CDC42BPA: variants seen among roughly 807,000 people sequenced by gnomAD.
CDC42BPA encodes CDC42 binding protein kinase alpha.
CDC42BPA carries 80 observed loss-of-function variants against 223.5 expected under a neutral mutation model. The observed-to-expected ratio is 0.36, with a 90% confidence interval of 0.30 to 0.43. CDC42BPA has a LOEUF of 0.43. Among genes scored for constraint, CDC42BPA ranks in the 20% least tolerant of loss-of-function variants. CDC42BPA has a pLI of 1.00. For missense variants in CDC42BPA, 1,743 were observed against 2,099.9 expected, an observed-to-expected ratio of 0.83 and a Z score of 3.32; for synonymous variants, 694 against 718.6, an observed-to-expected ratio of 0.97 and a Z score of 0.55.
intron 34 of CDC42BPA, among the ~76,000 whole-genome samples, chr1:227,013,301 G>A (rs1665566035): frequency 6.6e-6 from 1 of 152,048 alleles, no homozygotes; most frequent in African/African-American, 2.4e-5. Context: ...GCAGTCTAAT[G>A]ATTCTGTGGA....
chr1:227,297,314 C>T (rs1030665768), intron 1 of CDC42BPA, among the ~76,000 whole-genome samples: 3 of 152,186 alleles, frequency 2.0e-5, no homozygotes, highest in Non-Finnish European at 4.4e-5. Context: ...TAGCAAAACT[C>T]AACCTTCATA....
intron 1 of CDC42BPA, among the ~76,000 whole-genome samples, chr1:227,306,138 GTTTT>G (rs56027762): frequency 0.32 from 43,030 of 135,698 alleles, 6,436 homozygotes; most frequent in East Asian, 0.38. Flanking sequence ...GTTCTAAGTG[GTTTT>G]TTTTTTTTTT....
chr1:227,079,165 C>T (rs1014185296), intron 17 of CDC42BPA, among the ~76,000 whole-genome samples: 6 of 152,108 alleles, frequency 3.9e-5, no homozygotes, highest in African/African-American at 1.2e-4. Flanking sequence ...TGCCAATCTG[C>T]TATCTATTAC....
chr1:227,052,250 C>T (rs1313075236), intron 21 of CDC42BPA, among the ~76,000 whole-genome samples: 1 of 152,200 alleles, frequency 6.6e-6, no homozygotes, highest in African/African-American at 2.4e-5. Context: ...GAGCCCTGGT[C>T]CTACTGCACA....
intron 26 of CDC42BPA, among the ~76,000 whole-genome samples, chr1:227,033,959 C>T (rs1222094099): frequency 6.6e-6 from 1 of 150,626 alleles, no homozygotes; most frequent in Non-Finnish European, 1.5e-5. Context: ...ATTTTTCTTG[C>T]CAATATTTCT....
chr1:227,195,965 G>A (rs1227569288), intron 4 of CDC42BPA, among the ~76,000 whole-genome samples: 1 of 152,054 alleles, frequency 6.6e-6, no homozygotes, highest in Non-Finnish European at 1.5e-5. Context: ...CACATAAGAG[G>A]GAACACAATC....
chr1:227,153,661 A>G (rs1228213653), intron 6 of CDC42BPA, among the ~76,000 whole-genome samples: 3 of 151,942 alleles, frequency 2.0e-5, no homozygotes, highest in Non-Finnish European at 2.9e-5. Context: ...TTTTCATTGA[A>G]AAGACTATAA....
intron 2 of CDC42BPA, among the ~76,000 whole-genome samples, chr1:227,227,160 T>C (rs987619840): frequency 6.6e-6 from 1 of 152,094 alleles, no homozygotes; most frequent in African/African-American, 2.4e-5. Context: ...AGGTAATTAA[T>C]ATTAATGAAG....
chr1:227,183,939 A>G (rs978281860), intron 5 of CDC42BPA, among the ~76,000 whole-genome samples: 7 of 152,186 alleles, frequency 4.6e-5, no homozygotes, highest in Admixed American at 6.5e-5. Flanking sequence ...CATTTTCGTA[A>G]AATTCAATAT....
chr1:227,008,352 ACTAT>A (rs1664499914), intron 34 of CDC42BPA, among the ~76,000 whole-genome samples: 1 of 152,218 alleles, frequency 6.6e-6, no homozygotes, highest in Non-Finnish European at 1.5e-5. Context: ...TTAAAAGATG[ACTAT>A]CTTCTTTGCT....
Position 227,185,267 on chromosome 1 carries a change from G to A in CDC42BPA, c.599+8519C>T, listed in dbSNP as rs578201709. On this transcript the variant is annotated intron_variant, in intron 5 of 36. Coordinates refer to ENST00000366766, the MANE Select transcript of CDC42BPA (RefSeq NM_001394014.1). ...AAAAGGGGTCCTTGGAAGATTTTTC[G>A]CAGCTCTTATCTAGAATGAAAGCCT... Among the ~76,000 whole-genome samples, 91 of 151,994 alleles carry A rather than the reference G, an allele frequency of 6.0e-4. 1 individual carries two copies. Among genetic ancestry groups the A allele is most frequent in the African/African-American group, 2.1e-3 (85 of 41,438 alleles).
intron 29 of CDC42BPA, among the ~76,000 whole-genome samples, chr1:227,029,966 C>T (rs925526390): frequency 6.6e-6 from 1 of 152,030 alleles, no homozygotes; most frequent in African/African-American, 2.4e-5. Context: ...GAAACCTCAT[C>T]TCTACTAAAA....
chr1:227,257,641 C>T (rs1420287742), intron 1 of CDC42BPA, among the ~76,000 whole-genome samples: 3 of 150,640 alleles, frequency 2.0e-5, no homozygotes, highest in African/African-American at 7.5e-5. Context: ...GTAATCCCAG[C>T]TACTTGGGAG....
intron 5 of CDC42BPA, among the ~76,000 whole-genome samples, chr1:227,177,940 A>G (rs1483): frequency 0.36 from 55,071 of 151,576 alleles, 10,132 homozygotes; most frequent in Middle Eastern, 0.38. Flanking sequence ...AAGACATTTA[A>G]TTTTTTTTTC....
At chr1:227,290,735 T>C (rs1229146532) in intron 1 of CDC42BPA, among the ~76,000 whole-genome samples, 1 of 152,180 alleles carries the variant, frequency 6.6e-6, no homozygotes, top group Non-Finnish European at 1.5e-5. Context: ...AATTTAATTA[T>C]ACATATCTAT....
intron 1 of CDC42BPA, among the ~76,000 whole-genome samples, chr1:227,316,511 G>T (rs1398408584): frequency 2.0e-5 from 3 of 152,102 alleles, no homozygotes; most frequent in Non-Finnish European, 4.4e-5. Flanking sequence ...TCCTTTCCTT[G>T]TACTATGTAG....
At chr1:227,233,841 G>C (rs1266678004) in intron 2 of CDC42BPA, among the ~76,000 whole-genome samples, 1 of 152,130 alleles carries the variant, frequency 6.6e-6, no homozygotes, top group African/African-American at 2.4e-5. Context: ...GCTGAGGCAG[G>C]AGAATCACTT....
chr1:227,019,079 G>T (rs1666877200), intron 32 of CDC42BPA, among the ~76,000 whole-genome samples: 1 of 152,182 alleles, frequency 6.6e-6, no homozygotes, highest in Non-Finnish European at 1.5e-5. Flanking sequence ...TAATGATGCT[G>T]TTTGGTAACA....
intron 2 of CDC42BPA, among the ~76,000 whole-genome samples, chr1:227,236,750 T>C (rs944689409): frequency 6.6e-6 from 1 of 152,112 alleles, no homozygotes; most frequent in African/African-American, 2.4e-5. Flanking sequence ...GAGTTAACCA[T>C]GATCCCGACT....
Sources: gnomAD v4.1 joint callset for allele counts (sites outside exome capture counted in the v4.1 genomes callset) on GRCh38, gnomAD v4.1.1 for gene constraint, MANE v1.5 for transcripts, NCBI Gene and HGNC (gene_info 2026-07-23, HGNC 2026-07-21) for gene names.